Variants in RAB10 observed in about 807,000 individuals in gnomAD.
The protein encoded by RAB10 is ras-related protein Rab-10.
In RAB10, 5 loss-of-function variants were observed where a neutral mutation model predicts 25.7. The observed-to-expected ratio is 0.19, with a 90% CI of 0.10 to 0.41. RAB10 has a LOEUF of 0.41. Among genes scored for constraint, RAB10 ranks in the 10% least tolerant of loss-of-function variants. RAB10 has a pLI of 1.00. For missense variants in RAB10, 103 were observed against 245.8 expected, an observed-to-expected ratio of 0.42 and a Z score of 3.89; for synonymous variants, 89 against 86.4, an observed-to-expected ratio of 1.03 and a Z score of -0.16.
chr2:26,109,736 G>A (rs1667534295), intron 2 of RAB10, 32 bp from the exon 3 acceptor site: 1 of 1,521,706 alleles, frequency 6.6e-7, no homozygotes, highest in Non-Finnish European at 8.8e-7. Flanking sequence ...ATATCAAAAT[G>A]CTTAATAGAA....
At chr2:26,034,052 T>C, upstream of RAB10, 1 of 400,410 alleles carries the variant, frequency 2.5e-6, no homozygotes, top group Non-Finnish European at 4.4e-6. Context: ...GGCTAGGGCG[T>C]GAGGGAAGGG....
At chr2:26,126,517 C>T (rs903190331) in intron 3 of RAB10, among the ~76,000 whole-genome samples, 3 of 152,124 alleles carry the variant, frequency 2.0e-5, no homozygotes, top group Non-Finnish European at 4.4e-5. Context: ...CGCTTGAACT[C>T]GGGAGGCGAA....
At chr2:26,113,911 C>T (rs1667631633) in intron 3 of RAB10, among the ~76,000 whole-genome samples, 1 of 151,902 alleles carries the variant, frequency 6.6e-6, no homozygotes, top group Non-Finnish European at 1.5e-5. Flanking sequence ...GAAATGAGAT[C>T]AACATATAAA....
chr2:26,083,547 T>C (rs1666915331), intron 1 of RAB10, among the ~76,000 whole-genome samples: 1 of 151,370 alleles, frequency 6.6e-6, no homozygotes, highest in Admixed American at 6.6e-5. Context: ...CACTGCAACC[T>C]CCGCCTCCCA....
chr2:26,123,294 C>T (rs1043731625), intron 3 of RAB10, among the ~76,000 whole-genome samples: 1 of 152,092 alleles, frequency 6.6e-6, no homozygotes, highest in Non-Finnish European at 1.5e-5. Flanking sequence ...TCTACTTGCC[C>T]CCGAACACAG....
At chr2:26,050,466 G>A (rs752834946) in intron 1 of RAB10, among the ~76,000 whole-genome samples, 1 of 152,028 alleles carries the variant, frequency 6.6e-6, no homozygotes, top group Non-Finnish European at 1.5e-5. Flanking sequence ...TGGTAGGTGG[G>A]TCTTTTTTAT....
At chr2:26,130,921 T>G (rs1668000482) in intron 5 of RAB10, among the ~76,000 whole-genome samples, 1 of 152,172 alleles carries the variant, frequency 6.6e-6, no homozygotes, top group African/African-American at 2.4e-5. Context: ...CAAGACCTAG[T>G]GAAACGCTCT....
At chr2:26,047,403 TTTTGTTTGTTTG>T (rs143254612) in intron 1 of RAB10, among the ~76,000 whole-genome samples, 5 of 146,798 alleles carry the variant, frequency 3.4e-5, no homozygotes, top group African/African-American at 1.3e-4. Context: ...GTATCATTTG[TTTTGTTTGTTTG>T]TTTGTTTGTT....
Position 26,034,664 on chromosome 2 carries a change from G to C in RAB10, c.56G>C (p.Gly19Ala). Residue 19 changes from glycine to alanine, a missense_variant, in exon 1 of 6, where the codon GGA becomes GCA. Transcript: ENST00000264710. ...AAGCTGCTCCTGATCGGGGATTCCG[G>C]AGTGGGGAAGACCTGCGTCCTTTTT... ...LFKLLLIGDS[G>A]VGKTCVLFRF... The C allele has an allele frequency of 6.2e-7, 1 of 1,614,244 alleles. No homozygotes were observed. Among genetic ancestry groups the C allele is most frequent in the Admixed American group, 1.7e-5 (1 of 60,030 alleles).
chr2:26,041,151 A>T (rs1665875511), intron 1 of RAB10, among the ~76,000 whole-genome samples: 1 of 152,068 alleles, frequency 6.6e-6, no homozygotes, highest in South Asian at 2.1e-4. Context: ...TACAATCAGG[A>T]TCCCCTTAAT....
At chr2:26,082,365 T>G (rs1253859204) in intron 1 of RAB10, among the ~76,000 whole-genome samples, 1 of 151,998 alleles carries the variant, frequency 6.6e-6, no homozygotes, top group Non-Finnish European at 1.5e-5. Flanking sequence ...AAAGTTGGAG[T>G]GCTATATTAA....
intron 3 of RAB10, among the ~76,000 whole-genome samples, chr2:26,125,337 C>T (rs1344943241): frequency 1.3e-5 from 2 of 151,514 alleles, no homozygotes; most frequent in African/African-American, 4.9e-5. Context: ...TTTTGATTTG[C>T]ATTTCCTAAT....
intron 1 of RAB10, among the ~76,000 whole-genome samples, chr2:26,059,157 A>G (rs1021877668): frequency 4.6e-5 from 7 of 152,208 alleles, no homozygotes; most frequent in Admixed American, 3.3e-4. Context: ...AGTGTGAAGT[A>G]TTACACTAAT....
At chr2:26,061,272 G>A (rs1666389812) in intron 1 of RAB10, among the ~76,000 whole-genome samples, 1 of 151,644 alleles carries the variant, frequency 6.6e-6, no homozygotes, top group Non-Finnish European at 1.5e-5. Context: ...CACACCACCA[G>A]GTCCGGCTAA....
chr2:26,048,276 A>G (rs775324805), intron 1 of RAB10, among the ~76,000 whole-genome samples: 5 of 152,170 alleles, frequency 3.3e-5, no homozygotes, highest in Non-Finnish European at 7.3e-5. Context: ...GTTTTATAAG[A>G]AACTGCCAGA....
At chr2:26,043,561 A>C (rs1665935661) in intron 1 of RAB10, among the ~76,000 whole-genome samples, 1 of 152,252 alleles carries the variant, frequency 6.6e-6, no homozygotes, top group Non-Finnish European at 1.5e-5. Context: ...TGTGGTATAC[A>C]CATAGAATGG....
At chr2:26,047,896 T>C (rs1666049912) in intron 1 of RAB10, among the ~76,000 whole-genome samples, 1 of 151,972 alleles carries the variant, frequency 6.6e-6, no homozygotes, top group Non-Finnish European at 1.5e-5. Context: ...GCTAATTTTT[T>C]TGTATTTTTA....
At chr2:26,082,713 T>G (rs1199663134) in intron 1 of RAB10, among the ~76,000 whole-genome samples, 13 of 152,152 alleles carry the variant, frequency 8.5e-5, no homozygotes, top group Non-Finnish European at 2.9e-5. Context: ...TCTTAAACTC[T>G]TCCAATAAAT....
intron 1 of RAB10, among the ~76,000 whole-genome samples, chr2:26,066,984 A>G (rs867235305): frequency 1.3e-5 from 2 of 151,966 alleles, no homozygotes; most frequent in South Asian, 2.1e-4. Context: ...GTTTATCCAC[A>G]TTGGCCAGGC....
Sources: allele counts gnomAD v4.1 joint callset (sites outside exome capture counted in the v4.1 genomes callset), GRCh38; gene constraint gnomAD v4.1.1; transcripts MANE v1.5; gene names NCBI Gene and HGNC (gene_info 2026-07-23, HGNC 2026-07-21).